Variants in MET observed in about 807,000 individuals in gnomAD.
MET encodes MET proto-oncogene, receptor tyrosine kinase.
Under a neutral mutation model 133.1 loss-of-function variants are expected in MET, and 48 were observed. The ratio of observed to expected loss-of-function variants is 0.36; its 90% CI spans 0.29 to 0.46. The LOEUF is 0.46. Ranked by LOEUF, MET falls within the 20% of genes least tolerant of loss-of-function variation. The pLI, the probability that MET is intolerant of heterozygous loss-of-function variation, is 1.00. For synonymous variants in MET, 628 were observed against 616.5 expected (o/e 1.02, Z -0.28); for missense variants, 1,442 against 1,695.9 (o/e 0.85, Z 2.63).
At chr7:116,673,799 C>A (rs896697588) in intron 1 of MET, among the ~76,000 whole-genome samples, 19 of 152,162 alleles carry the variant, frequency 1.2e-4, no homozygotes, top group South Asian at 6.2e-4. Context: ...AGGTACATAG[C>A]TTTCCTTCCT....
chr7:116,773,757 A>G (rs535271213), intron 14 of MET, among the ~76,000 whole-genome samples: 3 of 152,286 alleles, frequency 2.0e-5, no homozygotes, highest in Non-Finnish European at 4.4e-5. Context: ...TTGATGCCCA[A>G]CGCTTTTCTG....
At chr7:116,698,325 A>G (rs1402653699) in intron 1 of MET, among the ~76,000 whole-genome samples, 4 of 152,184 alleles carry the variant, frequency 2.6e-5, no homozygotes, top group African/African-American at 9.6e-5. Flanking sequence ...GTAATGAACA[A>G]TATGTTGTTT....
intron 5 of MET, among the ~76,000 whole-genome samples, chr7:116,743,832 A>G (rs1220243533): frequency 1.3e-5 from 2 of 152,182 alleles, no homozygotes; most frequent in East Asian, 3.9e-4. Flanking sequence ...AAGCTTCCAG[A>G]GGAAGGAATA....
At chr7:116,727,028 G>A (rs894131911) in intron 2 of MET, among the ~76,000 whole-genome samples, 41 of 152,196 alleles carry the variant, frequency 2.7e-4, no homozygotes, top group African/African-American at 9.9e-4. Flanking sequence ...AAATTTCAGA[G>A]TTACCTAAAT....
At chr7:116,697,475 T>G (rs2116569461) in intron 1 of MET, among the ~76,000 whole-genome samples, 1 of 152,304 alleles carries the variant, frequency 6.6e-6, no homozygotes, top group East Asian at 1.9e-4. Flanking sequence ...TAATGATTAT[T>G]AATCACCTCT....
chr7:116,682,864 T>C (rs1796412761), intron 1 of MET, among the ~76,000 whole-genome samples: 1 of 152,220 alleles, frequency 6.6e-6, no homozygotes, highest in East Asian at 1.9e-4. Context: ...ATTCTCAGTA[T>C]AAGATCTTTC....
chr7:116,695,807 C>T (rs1392735114), intron 1 of MET: 1 of 488,950 alleles, frequency 2.0e-6, no homozygotes, highest in Non-Finnish European at 4.2e-6. Context: ...ATGGTAAGCA[C>T]TCAATACATG....
intron 17 of MET, among the ~76,000 whole-genome samples, chr7:116,781,416 C>T (rs1172309642): frequency 6.6e-6 from 1 of 152,184 alleles, no homozygotes; most frequent in African/African-American, 2.4e-5. Context: ...AAAACACCTC[C>T]ATTTTCCCAT....
At chr7:116,751,058 A>C (rs887620764) in intron 5 of MET, among the ~76,000 whole-genome samples, 1 of 152,202 alleles carries the variant, frequency 6.6e-6, no homozygotes, top group South Asian at 2.1e-4. Flanking sequence ...TTGACCCAGC[A>C]ATCCCATTAC....
chr7:116,720,777 C>T (rs1421718195), intron 2 of MET, among the ~76,000 whole-genome samples: 26 of 127,972 alleles, frequency 2.0e-4, no homozygotes, highest in African/African-American at 7.1e-4. Context: ...TGTTTATATG[C>T]TGGATTACAT....
intron 19 of MET, among the ~76,000 whole-genome samples, chr7:116,786,875 C>G (rs1795331647): frequency 6.6e-6 from 1 of 152,152 alleles, no homozygotes; most frequent in African/African-American, 2.4e-5. Context: ...GCATGGGAAG[C>G]AAGAAGTCAT....
At chr7:116,787,153 TGATCCTGAAAGATTC>T (rs1384009356) in intron 19 of MET, among the ~76,000 whole-genome samples, 1 of 152,162 alleles carries the variant, frequency 6.6e-6, no homozygotes, top group Non-Finnish European at 1.5e-5. Context: ...CCTGGGATTT[TGATCCTGAAAGATTC>T]TGAAAGAGGT....
intron 1 of MET, among the ~76,000 whole-genome samples, chr7:116,695,999 A>C (rs1179780006): frequency 6.6e-6 from 1 of 151,940 alleles, no homozygotes; most frequent in Non-Finnish European, 1.5e-5. Flanking sequence ...CAGCCTCCCA[A>C]GTAGCTAGGA....
intron 2 of MET, among the ~76,000 whole-genome samples, chr7:116,711,636 T>G (rs1475849844): frequency 1.3e-5 from 2 of 152,156 alleles, no homozygotes; most frequent in Admixed American, 6.5e-5. Context: ...GGTTTTTTTT[T>G]TTGTTTAGTG....
intron 2 of MET, chr7:116,724,244 T>C (rs550599626): frequency 1.9e-4 from 32 of 169,284 alleles, no homozygotes; most frequent in Admixed American, 3.5e-4. Flanking sequence ...TGACCCGATT[T>C]TCCAGGTGCG....
Position 116,698,896 on chromosome 7 carries a change from C to T in MET, c.-14-175C>T, listed in dbSNP as rs561913833. Among the ~76,000 whole-genome samples the T allele has an allele frequency of 7.8e-4, 119 of 152,272 alleles. 1 individual carries two copies. Among genetic ancestry groups the T allele is most frequent in the African/African-American group, 2.8e-3 (117 of 41,552 alleles). On this transcript the variant is annotated intron_variant, in intron 1 of 20. Coordinates refer to ENST00000397752, the MANE Select transcript of MET (RefSeq NM_000245.4). Reference sequence around the variant, plus strand: ...GTTCTAAAATTAAACTATGTGGAGTCATGTCCAACCGCACAATGCATCTTT... The same window carrying T: ...GTTCTAAAATTAAACTATGTGGAGTTATGTCCAACCGCACAATGCATCTTT...
intron 4 of MET, 160 bp downstream of exon 4, chr7:116,740,244 A>G (rs1793393027): frequency 3.6e-6 from 3 of 834,322 alleles, no homozygotes; most frequent in East Asian, 2.6e-5. Flanking sequence ...TCTGAAATCT[A>G]GTTAATTTGT....
At position 116,699,281 on chromosome 7, in the gene MET, C is replaced by T; in HGVS notation, c.197C>T (p.Ala66Val). 4 of 1,614,008 alleles carry T rather than the reference C, an allele frequency of 2.5e-6. No homozygotes were observed. Among genetic ancestry groups the T allele is most frequent in the Middle Eastern group, 1.7e-4 (1 of 6,060 alleles). The change falls in exon 2 of 21, where the codon GCC becomes GTC. Residue 66 changes from alanine to valine, a missense_variant. Ala to Val is a moderately conservative substitution (Grantham distance 64). Around this residue, in one of 6 missense-constraint regions of MET, gnomAD observed 762 missense variants for 792.4 expected, o/e 0.96. Transcript: ENST00000397752. ...ILHEHHIFLG[A>V]TNYIYVLNEE... ...CATGAGCATCACATTTTCCTTGGTG[C>T]CACTAACTACATTTATGTTTTAAAT...
chr7:116,790,225 C>G (rs1457792033), intron 19 of MET, among the ~76,000 whole-genome samples: 1 of 152,108 alleles, frequency 6.6e-6, no homozygotes, highest in Admixed American at 6.6e-5. Context: ...ATTCCTAGAA[C>G]TTTTTCATCT....
Sources: gnomAD v4.1 joint callset for allele counts (sites outside exome capture counted in the v4.1 genomes callset) on GRCh38, gnomAD v4.1.1 for gene constraint, gnomAD v4.1.1 regional missense constraint, MANE v1.5 for transcripts, NCBI Gene and HGNC (gene_info 2026-07-23, HGNC 2026-07-21) for gene names.